EYA2: variants seen among roughly 807,000 people sequenced by gnomAD.
EYA2 encodes EYA transcriptional coactivator and phosphatase 2.
Under a neutral mutation model 69.2 loss-of-function variants are expected in EYA2, and 31 were observed. That is an observed-to-expected ratio of 0.45 (90% CI 0.34 to 0.60). The LOEUF is 0.60. Ranked by LOEUF, EYA2 falls within the 20% of genes least tolerant of loss-of-function variation. The pLI is 0.02. For missense variants in EYA2, 622 were observed against 701.2 expected (o/e 0.89, Z 1.28); for synonymous variants, 257 against 279.4 (o/e 0.92, Z 0.80).
At chr20:47,115,656 C>T (rs948009086) in intron 9 of EYA2, among the ~76,000 whole-genome samples, 2 of 152,172 alleles carry the variant, frequency 1.3e-5, no homozygotes. Context: ...CTCCACGGGT[C>T]TGGACAGCTG....
Position 47,070,523 on chromosome 20 carries a change from G to T in EYA2, c.416-1662G>T, listed in dbSNP as rs140279969. 6.2e-3 allele frequency among the ~76,000 whole-genome samples: 948 copies of T among 152,298 alleles called. 12 individuals carry two copies. The highest frequency in any genetic ancestry group is 0.022 in the African/African-American group (901 of 41,562). On this transcript the variant is annotated intron_variant, in intron 5 of 15. Transcript: ENST00000327619. ...AAACATATGCTTACCACACAACTCT[G>T]TAATTCTACTCTTAGGGATTTACCC...
In EYA2 at chr20:46,907,565, G is replaced by A. The variant is rs148642559; in HGVS notation, c.-11+12578G>A. Among the ~76,000 whole-genome samples the A allele has an allele frequency of 1.8e-3, 273 of 152,324 alleles. 1 individual carries two copies. The highest frequency in any genetic ancestry group is 3.2e-3 in the Non-Finnish European group (216 of 68,024). ...CATAAAAACAAGCGTGAGGCCAGGC[G>A]CAGTGGCTCACACCCGTAACCCCAG... On this transcript the variant is annotated intron_variant, in intron 1 of 15. Transcript: ENST00000327619.
At chr20:47,108,597 G>T (rs564779476) in intron 9 of EYA2, among the ~76,000 whole-genome samples, 2 of 151,822 alleles carry the variant, frequency 1.3e-5, no homozygotes, top group Admixed American at 6.6e-5. Context: ...TTAGAGACAG[G>T]GTCTTGCTCT....
At chr20:47,066,308 G>A (rs2031106464) in intron 5 of EYA2, among the ~76,000 whole-genome samples, 1 of 151,976 alleles carries the variant, frequency 6.6e-6, no homozygotes, top group Non-Finnish European at 1.5e-5. Flanking sequence ...CTCCAGCCTG[G>A]GCAACAGAGT....
intron 5 of EYA2, among the ~76,000 whole-genome samples, chr20:47,034,634 AG>A (rs1984599214): frequency 6.6e-6 from 1 of 152,246 alleles, no homozygotes; most frequent in South Asian, 2.1e-4. Flanking sequence ...CAAAGTTAAA[AG>A]GAAAACTGAG....
chr20:46,948,999 T>C (rs541362656), intron 1 of EYA2, among the ~76,000 whole-genome samples: 1 of 152,352 alleles, frequency 6.6e-6, no homozygotes, highest in South Asian at 2.1e-4. Context: ...TGGGTGCTAA[T>C]GTTACTCGCA....
intron 1 of EYA2, among the ~76,000 whole-genome samples, chr20:46,974,995 G>A (rs183798272): frequency 6.6e-6 from 1 of 151,558 alleles, no homozygotes; most frequent in Admixed American, 6.6e-5. Flanking sequence ...ATCTCAAGAG[G>A]TTGCATACTG....
At position 47,021,776 on chromosome 20, in the gene EYA2, G is replaced by A. The variant is rs112784325; in HGVS notation, c.415+5479G>A. On this transcript the variant is annotated intron_variant, in intron 5 of 15. Coordinates refer to ENST00000327619, the MANE Select transcript of EYA2 (RefSeq NM_005244.5). ...GAGCAACATAGAATCGTGCAATTCA[G>A]GGATGTGTAGGAAATTAAAAGTTCA... is the stretch of plus-strand genomic sequence containing the variant. 5.3e-5 allele frequency among the ~76,000 whole-genome samples: 8 copies of A among 152,202 alleles called. 1 individual carries two copies. The highest frequency in any genetic ancestry group is 1.9e-4 in the African/African-American group (8 of 41,522).
At chr20:47,080,497 AAGGGGAGTGG>A (rs1428803575) in intron 7 of EYA2, among the ~76,000 whole-genome samples, 2 of 127,952 alleles carry the variant, frequency 1.6e-5, no homozygotes, top group Non-Finnish European at 3.3e-5. Context: ...GGAGGGAGTA[AAGGGGAGTGG>A]AGGGGAGGGA....
intron 11 of EYA2, among the ~76,000 whole-genome samples, chr20:47,171,440 A>G (rs750514504): frequency 5.9e-5 from 9 of 152,096 alleles, no homozygotes; most frequent in Non-Finnish European, 1.3e-4. Context: ...GTAAGAACCA[A>G]CCTTCAGAGA....
chr20:46,967,692 T>A (rs1171182202), intron 1 of EYA2, among the ~76,000 whole-genome samples: 1 of 152,124 alleles, frequency 6.6e-6, no homozygotes, highest in African/African-American at 2.4e-5. Context: ...TAGGAAGGGA[T>A]GCAACAGGAG....
intron 10 of EYA2, among the ~76,000 whole-genome samples, chr20:47,149,056 G>C (rs558015348): frequency 6.6e-6 from 1 of 151,392 alleles, no homozygotes; most frequent in East Asian, 1.9e-4. Context: ...CAGCCTGGGC[G>C]ATAGAGGGAG....
At chr20:47,007,185 C>A (rs1272087828) in intron 4 of EYA2, among the ~76,000 whole-genome samples, 7 of 152,214 alleles carry the variant, frequency 4.6e-5, no homozygotes, top group Admixed American at 4.6e-4. Context: ...ACTGCCTTGG[C>A]CTCCCAAGGA....
At chr20:46,973,707 A>C (rs1046648842) in intron 1 of EYA2, among the ~76,000 whole-genome samples, 2 of 152,034 alleles carry the variant, frequency 1.3e-5, no homozygotes, top group African/African-American at 4.8e-5. Flanking sequence ...AGTTCATTCC[A>C]CTATTCTGTC....
At chr20:46,949,297 A>G (rs1443997235) in intron 1 of EYA2, among the ~76,000 whole-genome samples, 1 of 152,228 alleles carries the variant, frequency 6.6e-6, no homozygotes, top group Non-Finnish European at 1.5e-5. Context: ...CTTTTATGGG[A>G]AAATCTGAAG....
intron 1 of EYA2, among the ~76,000 whole-genome samples, chr20:46,905,111 G>C (rs368535869): frequency 1.3e-5 from 2 of 152,242 alleles, no homozygotes; most frequent in East Asian, 3.9e-4. Flanking sequence ...GAGGAGAATG[G>C]AGGAGGGAAG....
At chr20:46,955,547 T>C (rs1979070400) in intron 1 of EYA2, among the ~76,000 whole-genome samples, 1 of 152,242 alleles carries the variant, frequency 6.6e-6, no homozygotes, top group African/African-American at 2.4e-5. Context: ...TGCTGAAGTA[T>C]ATAAAGTAAA....
chr20:46,935,442 G>A (rs1985865474), intron 1 of EYA2, among the ~76,000 whole-genome samples: 1 of 152,184 alleles, frequency 6.6e-6, no homozygotes, highest in South Asian at 2.1e-4. Flanking sequence ...CGCCTAAGAA[G>A]TGCTCAATAA....
intron 9 of EYA2, among the ~76,000 whole-genome samples, chr20:47,112,789 A>G (rs547078617): frequency 4.5e-4 from 67 of 150,278 alleles, no homozygotes; most frequent in Admixed American, 1.1e-3. Flanking sequence ...AAACAGTTCC[A>G]GGGAAGTTGA....
Sources: allele counts gnomAD v4.1 joint callset (sites outside exome capture counted in the v4.1 genomes callset), GRCh38; gene constraint gnomAD v4.1.1; transcripts MANE v1.5; gene names NCBI Gene and HGNC (gene_info 2026-07-23, HGNC 2026-07-21).